Variants in PPARGC1A observed in about 807,000 individuals in gnomAD.
The protein encoded by PPARGC1A is PPARG coactivator 1 alpha, also known as peroxisome proliferator-activated receptor gamma coactivator 1-alpha.
PPARGC1A carries 25 observed loss-of-function variants against 88.7 expected under a neutral mutation model. The observed-to-expected ratio is 0.28, with a 90% CI of 0.21 to 0.39. The LOEUF (loss-of-function observed/expected upper bound fraction) is 0.39, where lower values mean the gene tolerates loss of function less well. Among genes scored for constraint, PPARGC1A ranks in the 10% least tolerant of loss-of-function variants. The pLI is 1.00. For missense variants in PPARGC1A, 880 were observed against 968.7 expected, an observed-to-expected ratio of 0.91 and a Z score of 1.22; for synonymous variants, 363 against 355.6, an observed-to-expected ratio of 1.02 and a Z score of -0.24.
chr4:24,300,027 T>C, the PPARGC1A span, among the ~76,000 whole-genome samples: 1 of 152,184 alleles, frequency 6.6e-6, no homozygotes, highest in East Asian at 1.9e-4. Context: ...TAATTCATCA[T>C]TTCCAATCTG....
chr4:24,249,406 G>C, the PPARGC1A span, among the ~76,000 whole-genome samples: 4 of 152,216 alleles, frequency 2.6e-5, no homozygotes, highest in East Asian at 7.7e-4. Context: ...GTGAGGCCGC[G>C]TTCAGGACAC....
chr4:24,411,365 A>G, the PPARGC1A span, among the ~76,000 whole-genome samples: 1 of 152,188 alleles, frequency 6.6e-6, no homozygotes, highest in African/African-American at 2.4e-5. Flanking sequence ...AGGTTTTATA[A>G]TTTTAGAGAT....
At chr4:24,170,727 GT>G in the PPARGC1A span, among the ~76,000 whole-genome samples, 2 of 152,130 alleles carry the variant, frequency 1.3e-5, no homozygotes, top group African/African-American at 4.8e-5. Context: ...TGCCATCACA[GT>G]TTTGCAAGGG....
chr4:23,875,809 TAGA>T (rs1560494316), intron 2 of PPARGC1A: 1 of 152,212 alleles, frequency 6.6e-6, no homozygotes, highest in African/African-American at 2.4e-5. Context: ...TATTTATTAA[TAGA>T]AGATGTTTTG....
chr4:24,398,535 T>C, the PPARGC1A span, among the ~76,000 whole-genome samples: 43,190 of 152,160 alleles, frequency 0.28, 6,390 homozygotes, highest in African/African-American at 0.33. Context: ...TTTTCAGTTC[T>C]CTTCTTTCAT....
the PPARGC1A span, among the ~76,000 whole-genome samples, chr4:23,954,645 A>C: frequency 1.9e-4 from 29 of 152,030 alleles, no homozygotes; most frequent in Non-Finnish European, 7.4e-5. Context: ...ACTAAGATGG[A>C]GAATAAGAAT....
At chr4:23,902,136 A>G (rs1245837068), upstream of PPARGC1A, among the ~76,000 whole-genome samples, 4 of 152,194 alleles carry the variant, frequency 2.6e-5, no homozygotes, top group Non-Finnish European at 2.9e-5. Flanking sequence ...AATATTTTGA[A>G]TATATTAAGT....
At chr4:24,060,819 C>T in the PPARGC1A span, among the ~76,000 whole-genome samples, 1 of 152,062 alleles carries the variant, frequency 6.6e-6, no homozygotes, top group Non-Finnish European at 1.5e-5. Context: ...GTAAAAATAG[C>T]CTTTAATGAG....
At chr4:24,470,326 T>A in the PPARGC1A span, among the ~76,000 whole-genome samples, 55,798 of 109,208 alleles carry the variant, frequency 0.51, 11,963 homozygotes, top group Admixed American at 0.56. The surrounding 1 kb of genome is among the most constrained non-coding windows in gnomAD (Gnocchi z 5.8). Flanking sequence ...ACACACACAC[T>A]CTCTCACACA....
upstream of PPARGC1A, among the ~76,000 whole-genome samples, chr4:23,906,551 G>T (rs1031392775): frequency 4.0e-5 from 6 of 149,590 alleles, no homozygotes. Context: ...AGGTTGCAGT[G>T]GGCCTTGACG....
chr4:24,227,976 T>A, the PPARGC1A span, among the ~76,000 whole-genome samples: 2 of 152,116 alleles, frequency 1.3e-5, no homozygotes, highest in Non-Finnish European at 2.9e-5. Flanking sequence ...CCCCATCCGA[T>A]TATAGTGGAG....
the PPARGC1A span, among the ~76,000 whole-genome samples, chr4:24,211,773 A>G: frequency 6.6e-6 from 1 of 152,188 alleles, no homozygotes; most frequent in African/African-American, 2.4e-5. Context: ...ATGTTGTAAC[A>G]ATTAAATGAG....
the PPARGC1A span, among the ~76,000 whole-genome samples, chr4:24,195,198 T>G: frequency 2.0e-5 from 3 of 152,204 alleles, no homozygotes; most frequent in Non-Finnish European, 4.4e-5. Context: ...CTCTGTTAAC[T>G]AATATGATTT....
the PPARGC1A span, among the ~76,000 whole-genome samples, chr4:24,152,876 T>TTCTCAAC: frequency 1.3e-5 from 2 of 152,218 alleles, no homozygotes; most frequent in African/African-American, 4.8e-5. Context: ...AAGTTGGAAT[T>TTCTCAAC]TCTCAACTCT....
the PPARGC1A span, among the ~76,000 whole-genome samples, chr4:24,168,592 CAAG>C: frequency 6.6e-6 from 1 of 151,882 alleles, no homozygotes; most frequent in Non-Finnish European, 1.5e-5. Context: ...CCTTGTACTA[CAAG>C]AAGGTGAGGA....
chr4:24,225,695 T>C, the PPARGC1A span, among the ~76,000 whole-genome samples: 1 of 151,382 alleles, frequency 6.6e-6, no homozygotes, highest in East Asian at 2.0e-4. Flanking sequence ...GCTTTGGGGG[T>C]CTGAACAAAT....
At chr4:23,823,815 T>C (rs1002484383) in intron 7 of PPARGC1A, among the ~76,000 whole-genome samples, 1 of 152,078 alleles carries the variant, frequency 6.6e-6, no homozygotes, top group Non-Finnish European at 1.5e-5. Context: ...AGAAGGTAAT[T>C]TAGCAAACAC....
the PPARGC1A span, among the ~76,000 whole-genome samples, chr4:24,122,446 G>T: frequency 2.0e-3 from 306 of 150,728 alleles, 2 homozygotes; most frequent in African/African-American, 4.3e-3. Context: ...TAGAGAGAGA[G>T]AGAGAGAGAG....
intron 2 of PPARGC1A, among the ~76,000 whole-genome samples, chr4:23,874,759 T>A (rs560119202): frequency 6.6e-6 from 1 of 152,326 alleles, no homozygotes; most frequent in South Asian, 2.1e-4. Context: ...CCACAAACCA[T>A]CAAATCATAA....
Sources: gnomAD v4.1 joint callset for allele counts (sites outside exome capture counted in the v4.1 genomes callset) on GRCh38, gnomAD v4.1.1 for gene constraint, Gnocchi (gnomAD v3.1) non-coding constraint, MANE v1.5 for transcripts, NCBI Gene and HGNC (gene_info 2026-07-23, HGNC 2026-07-21) for gene names.